The following RTN1 variants were observed in gnomAD, a reference collection of about 807,000 sequenced individuals.
RTN1 encodes the protein reticulon 1.
A neutral mutation model predicts 65.5 loss-of-function variants in RTN1; 25 were observed. The observed-to-expected ratio is 0.38, with a 90% confidence interval of 0.28 to 0.53. The LOEUF (loss-of-function observed/expected upper bound fraction) is 0.53, where lower values mean the gene tolerates loss of function less well. Ranked by LOEUF, RTN1 falls within the 20% of genes least tolerant of loss-of-function variation. The probability of loss-of-function intolerance (pLI) is 0.79; values close to 1 mark genes in which losing one functional copy is unlikely to be tolerated. For missense variants in RTN1, 983 were observed against 1,025.4 expected, an observed-to-expected ratio of 0.96 and a Z score of 0.57; for synonymous variants, 471 against 447.6, an observed-to-expected ratio of 1.05 and a Z score of -0.66.
intron 1 of RTN1, among the ~76,000 whole-genome samples, chr14:59,763,531 C>CTTTT (rs567181046): frequency 2.5e-4 from 32 of 127,362 alleles, no homozygotes; most frequent in Non-Finnish European, 3.9e-4. Flanking sequence ...AATTTTCTTT[C>CTTTT]TTTTTTTTTT....
chr14:59,808,285 T>C (rs1418129055), intron 1 of RTN1, among the ~76,000 whole-genome samples: 2 of 152,210 alleles, frequency 1.3e-5, no homozygotes, highest in Non-Finnish European at 1.5e-5. Context: ...AAGTCTTACA[T>C]AGAAAGATGC....
chr14:59,806,020 G>A (rs999499418), intron 1 of RTN1, among the ~76,000 whole-genome samples: 1 of 151,246 alleles, frequency 6.6e-6, no homozygotes, highest in African/African-American at 2.4e-5. Flanking sequence ...GGCGGATCAC[G>A]AGCTCAAGAG....
chr14:59,824,862 T>C (rs867911006), intron 1 of RTN1, among the ~76,000 whole-genome samples: 2 of 152,204 alleles, frequency 1.3e-5, no homozygotes, highest in African/African-American at 2.4e-5. Flanking sequence ...CTTGAGAGCA[T>C]TATGCTAAGT....
At chr14:59,612,670 CA>C (rs1566660790) in intron 3 of RTN1, among the ~76,000 whole-genome samples, 1 of 152,234 alleles carries the variant, frequency 6.6e-6, no homozygotes, top group Non-Finnish European at 1.5e-5. Context: ...AACTTTGCTA[CA>C]GGTCCCTGAA....
chr14:59,755,121 A>G (rs1432501217), intron 1 of RTN1, among the ~76,000 whole-genome samples: 1 of 152,098 alleles, frequency 6.6e-6, no homozygotes, highest in African/African-American at 2.4e-5. Flanking sequence ...TACTTCCACA[A>G]CTCTATAAAG....
intron 1 of RTN1, among the ~76,000 whole-genome samples, chr14:59,771,537 CT>C (rs1471811150): frequency 1.3e-5 from 2 of 152,230 alleles, no homozygotes; most frequent in African/African-American, 4.8e-5. Context: ...ATTTATTAAA[CT>C]CCCACATCCC....
intron 1 of RTN1, among the ~76,000 whole-genome samples, chr14:59,750,205 A>ATATAATACATATATTATATC (rs1566713313): frequency 0.064 from 3,227 of 50,808 alleles, 410 homozygotes; most frequent in South Asian, 0.15. Context: ...TATCTATAAT[A>ATATAATACATATATTATATC]TATAATATAT....
intron 3 of RTN1, among the ~76,000 whole-genome samples, chr14:59,719,071 C>T (rs750951981): frequency 8.5e-5 from 13 of 152,120 alleles, no homozygotes; most frequent in Non-Finnish European, 1.5e-4. Context: ...CTACAGCAGC[C>T]AATGTGACCT....
intron 3 of RTN1, among the ~76,000 whole-genome samples, chr14:59,617,508 C>T (rs1457197319): frequency 3.3e-5 from 5 of 152,156 alleles, no homozygotes; most frequent in Non-Finnish European, 2.9e-5. Flanking sequence ...GAGTAAAATT[C>T]ATTTTATAAA....
chr14:59,748,259 C>T (rs1424115100), intron 1 of RTN1, among the ~76,000 whole-genome samples: 2 of 137,504 alleles, frequency 1.5e-5, no homozygotes, highest in Non-Finnish European at 3.1e-5. Flanking sequence ...TTATTACAAA[C>T]GAACTTAACT....
intron 1 of RTN1, among the ~76,000 whole-genome samples, chr14:59,832,463 C>G (rs1887142110): frequency 6.6e-6 from 1 of 152,180 alleles, no homozygotes. Context: ...CTTCCACTTG[C>G]ACCTGTCAGC....
intron 3 of RTN1, among the ~76,000 whole-genome samples, chr14:59,658,530 G>C (rs1883174144): frequency 6.6e-6 from 1 of 152,232 alleles, no homozygotes; most frequent in South Asian, 2.1e-4. Context: ...GAAGCTTCCA[G>C]AGGAAGGAAC....
At chr14:59,628,255 C>G (rs1882453228) in intron 3 of RTN1, among the ~76,000 whole-genome samples, 1 of 152,160 alleles carries the variant, frequency 6.6e-6, no homozygotes, top group African/African-American at 2.4e-5. Flanking sequence ...TACTGATGCT[C>G]AGCTCAATTG....
intron 3 of RTN1, among the ~76,000 whole-genome samples, chr14:59,661,042 A>T (rs1182997585): frequency 6.6e-6 from 1 of 152,172 alleles, no homozygotes; most frequent in South Asian, 2.1e-4. Flanking sequence ...ACAATAAAAA[A>T]TGATAAAGGG....
At chr14:59,709,511 G>A (rs1317486057) in intron 3 of RTN1, among the ~76,000 whole-genome samples, 1 of 152,172 alleles carries the variant, frequency 6.6e-6, no homozygotes, top group South Asian at 2.1e-4. Context: ...TCTAGAGTGA[G>A]CGGATGCACA....
chr14:59,727,526 G>C lies in RTN1; in HGVS notation c.1158C>G (p.Val386=), dbSNP rs764538725. 1 of 1,607,210 alleles carries C rather than the reference G, an allele frequency of 6.2e-7. No individual in the cohort carries two copies. Among genetic ancestry groups the C allele is most frequent in the Admixed American group, 1.7e-5 (1 of 59,326 alleles). ...TGGTTGGCGGTCCGGACCTGGCCTT[G>C]ACCTCGGGCCTGTCGGCCAGCTGGC... ...PVGQLADRPE[V]KARSGPPTIP... Residue 386 remains valine (V), a synonymous_variant, in exon 3 of 9, where the codon GTC becomes GTG. Transcript: ENST00000267484. The surrounding 1 kb of genome is among the most constrained non-coding windows in gnomAD (Gnocchi z 4.2).
At chr14:59,608,733 A>C (rs540966567) in intron 3 of RTN1, among the ~76,000 whole-genome samples, 3 of 152,216 alleles carry the variant, frequency 2.0e-5, no homozygotes, top group South Asian at 2.1e-4. Flanking sequence ...ATTAACTCAG[A>C]AAGACTCCAG....
At chr14:59,827,952 C>T (rs758376142) in intron 1 of RTN1, among the ~76,000 whole-genome samples, 1 of 152,166 alleles carries the variant, frequency 6.6e-6, no homozygotes, top group East Asian at 1.9e-4. Flanking sequence ...TAAGTTCTCC[C>T]GTACAAGAGG....
chr14:59,604,033 C>T (rs766515113), intron 5 of RTN1, 112 bp from the exon 6 acceptor site: 25 of 716,216 alleles, frequency 3.5e-5, no homozygotes, highest in South Asian at 9.6e-5. Context: ...ATCATGATTT[C>T]GATAGTCAAT....
Sources: allele counts gnomAD v4.1 joint callset (sites outside exome capture counted in the v4.1 genomes callset), GRCh38; gene constraint gnomAD v4.1.1; non-coding constraint Gnocchi (gnomAD v3.1); transcripts MANE v1.5; gene names NCBI Gene and HGNC (gene_info 2026-07-23, HGNC 2026-07-21).